The following DNAH7 variants were observed in gnomAD, a reference collection of about 807,000 sequenced individuals.
DNAH7 encodes the protein dynein axonemal heavy chain 7.
A neutral mutation model predicts 444.6 loss-of-function variants in DNAH7; 397 were observed. The ratio of observed to expected loss-of-function variants is 0.89; its 90% confidence interval spans 0.82 to 0.97. The LOEUF (loss-of-function observed/expected upper bound fraction) is 0.97, where lower values mean the gene tolerates loss of function less well. Among genes scored for constraint, DNAH7 ranks in the 50% least tolerant of loss-of-function variants. DNAH7 has a pLI of 0.00. For synonymous variants in DNAH7, 1,636 were observed against 1,624.4 expected (o/e 1.01, Z -0.17); for missense variants, 4,902 against 4,800.8 (o/e 1.02, Z -0.62).
At chr2:196,067,385 C>A (rs943256684) in intron 1 of DNAH7, among the ~76,000 whole-genome samples, 1 of 152,104 alleles carries the variant, frequency 6.6e-6, no homozygotes, top group African/African-American at 2.4e-5. Flanking sequence ...AATCTGATTA[C>A]ATTAATATCA....
intron 48 of DNAH7, among the ~76,000 whole-genome samples, chr2:195,829,731 T>C (rs62201502): frequency 0.092 from 14,002 of 152,042 alleles, 713 homozygotes; most frequent in African/African-American, 0.13. Context: ...TATATTAATA[T>C]ATGTAAAAAT....
intron 15 of DNAH7, among the ~76,000 whole-genome samples, chr2:195,979,207 T>C (rs1005917727): frequency 1.1e-4 from 16 of 152,146 alleles, no homozygotes; most frequent in African/African-American, 2.7e-4. Flanking sequence ...TTCTCAAGAA[T>C]AGACCATATA....
intron 46 of DNAH7, among the ~76,000 whole-genome samples, chr2:195,849,770 T>A (rs1164960171): frequency 6.6e-6 from 1 of 151,890 alleles, no homozygotes; most frequent in Admixed American, 6.5e-5. Flanking sequence ...CCCGGATAAT[T>A]TTTTGTATTT....
At chr2:196,055,891 G>C (rs1183985006) in intron 2 of DNAH7, among the ~76,000 whole-genome samples, 1 of 152,204 alleles carries the variant, frequency 6.6e-6, no homozygotes, top group African/African-American at 2.4e-5. Flanking sequence ...CTGTTGCTGA[G>C]CTATTTCTCC....
At chr2:195,959,782 CACTT>C (rs1379857028) in intron 18 of DNAH7, among the ~76,000 whole-genome samples, 2 of 152,146 alleles carry the variant, frequency 1.3e-5, no homozygotes, top group Admixed American at 1.3e-4. Flanking sequence ...CATTCTTTTT[CACTT>C]ACTTGCCATC....
intron 10 of DNAH7, among the ~76,000 whole-genome samples, chr2:196,010,387 T>A (rs1694657041): frequency 1.3e-5 from 2 of 152,164 alleles, no homozygotes; most frequent in Non-Finnish European, 2.9e-5. Context: ...CCTCAAGTGA[T>A]CTGCCCACCT....
rs1696880976 is a variant in DNAH7, at chr2:195,809,832, A to G, written c.9801T>C (p.Tyr3267=). Residue 3267 remains tyrosine, a synonymous_variant, in exon 52 of 65, where the codon TAT becomes TAC. Transcript: ENST00000312428. ...CAAAGAGTGACCGGCAGACATTAAC[A>G]TACAGTGAATAAGTAAAGTGATCCT... ...ILKDHFTYSL[Y]VNVCRSLFEK... The G allele has an allele frequency of 1.9e-6, 3 of 1,592,044 alleles. No individual in the cohort carries two copies. Among genetic ancestry groups the G allele is most frequent in the South Asian group, 1.1e-5 (1 of 86,978 alleles).
At chr2:195,773,234 G>A (rs556869806) in intron 60 of DNAH7, among the ~76,000 whole-genome samples, 4 of 152,008 alleles carry the variant, frequency 2.6e-5, no homozygotes, top group South Asian at 2.1e-4. Context: ...CCATAGTACC[G>A]GGTTTACAAC....
At chr2:195,970,236 G>A (rs759556210) in intron 16 of DNAH7, 142 bp from the exon 17 acceptor site, 2 of 747,586 alleles carry the variant, frequency 2.7e-6, no homozygotes, top group Non-Finnish European at 2.0e-6. Context: ...GAAAATGAAC[G>A]AGATCTAAAA....
At position 195,858,756 on chromosome 2, in the gene DNAH7, C is replaced by T; in HGVS notation, c.7785G>A (p.Leu2595=). ...TGGCTACTTGAGATGAAGCAGAATC[C>T]AGTTTCTCCAAACCCACTTCATATC... ...KKRYEVGLEK[L]DSASSQVATM... The change falls in exon 43 of 65, where the codon CTG becomes CTA. Residue 2595 remains leucine, a synonymous_variant. Coordinates refer to ENST00000312428, the MANE Select transcript of DNAH7 (RefSeq NM_018897.3). 1.2e-6 allele frequency: 2 copies of T among 1,613,670 alleles called. No homozygotes were observed. The highest frequency in any genetic ancestry group is 1.7e-6 in the Non-Finnish European group (2 of 1,179,806).
At position 195,900,456 on chromosome 2, in the gene DNAH7, A is replaced by G. The variant is rs1381634534; in HGVS notation, c.4374T>C (p.Tyr1458=). 6.2e-7 allele frequency: 1 copy of G among 1,613,894 alleles called. No individual in the cohort carries two copies. Among genetic ancestry groups the G allele is most frequent in the African/African-American group, 1.3e-5 (1 of 74,932 alleles). Residue 1458 remains tyrosine, a synonymous_variant, in exon 28 of 65, where the codon TAT becomes TAC. Transcript: ENST00000312428. ...FRTVAMMVPD[Y]AMIAEIVLYS... is the part of the protein sequence containing the mutation. ...ATAGGACTATTTCAGCAATCATGGC[A>G]TAGTCAGGTACCATCATTGCTACTG...
chr2:196,055,826 A>C (rs1030860219), intron 2 of DNAH7, among the ~76,000 whole-genome samples: 5 of 152,156 alleles, frequency 3.3e-5, no homozygotes, highest in African/African-American at 1.2e-4. Flanking sequence ...CCTCCTATAC[A>C]ACAACCCCAT....
intron 15 of DNAH7, among the ~76,000 whole-genome samples, chr2:195,981,106 C>CA (rs990625465): frequency 5.3e-5 from 8 of 151,724 alleles, no homozygotes; most frequent in African/African-American, 1.7e-4. Flanking sequence ...GAGACTCCAC[C>CA]AAAAAACTAT....
chr2:195,976,114 A>C (rs1468436221), intron 15 of DNAH7, among the ~76,000 whole-genome samples: 1 of 152,192 alleles, frequency 6.6e-6, no homozygotes, highest in Non-Finnish European at 1.5e-5. Context: ...GCAGAGTATG[A>C]AGTGGGATCT....
intron 49 of DNAH7, among the ~76,000 whole-genome samples, chr2:195,822,389 T>C (rs1370424219): frequency 1.3e-5 from 2 of 152,238 alleles, no homozygotes; most frequent in Non-Finnish European, 2.9e-5. Context: ...AGCCATTTAT[T>C]CTCAAATAAA....
chr2:195,811,344 CT>C (rs1265989212), intron 51 of DNAH7, among the ~76,000 whole-genome samples: 2 of 152,168 alleles, frequency 1.3e-5, no homozygotes, highest in Non-Finnish European at 2.9e-5. Flanking sequence ...CTGGAGACCA[CT>C]TAGAAGTGTT....
chr2:195,999,436 G>A (rs1239785999), intron 12 of DNAH7, among the ~76,000 whole-genome samples: 1 of 152,080 alleles, frequency 6.6e-6, no homozygotes, highest in Non-Finnish European at 1.5e-5. Context: ...AACTCCAAAG[G>A]AATCAACTTA....
intron 19 of DNAH7, among the ~76,000 whole-genome samples, chr2:195,946,078 A>T (rs986382560): frequency 6.6e-6 from 1 of 152,130 alleles, no homozygotes; most frequent in Non-Finnish European, 1.5e-5. Context: ...CAATGCTACT[A>T]GAACAGGAAA....
At chr2:196,006,817 GA>G (rs1480740642) in intron 10 of DNAH7, among the ~76,000 whole-genome samples, 1 of 151,804 alleles carries the variant, frequency 6.6e-6, no homozygotes, top group Admixed American at 6.6e-5. Context: ...AGAATACTTA[GA>G]AAAAAATTAA....
Sources: allele counts gnomAD v4.1 joint callset (sites outside exome capture counted in the v4.1 genomes callset), GRCh38; gene constraint gnomAD v4.1.1; transcripts MANE v1.5; gene names NCBI Gene and HGNC (gene_info 2026-07-23, HGNC 2026-07-21).